Variants in WWOX observed in about 807,000 individuals in gnomAD.
The protein encoded by WWOX is WW domain containing oxidoreductase, also known as WW domain-containing oxidoreductase.
In WWOX, 69 loss-of-function variants were observed where a neutral mutation model predicts 46.2. That is an observed-to-expected ratio of 1.49 (90% CI 1.23 to 1.82). WWOX has a LOEUF of 1.82. WWOX is among the 40% of genes most tolerant of loss of function. The probability of loss-of-function intolerance (pLI) is 0.00; values close to 1 mark genes in which losing one functional copy is unlikely to be tolerated. For synonymous variants in WWOX, 359 were observed against 202.6 expected (o/e 1.77, Z -6.56); for missense variants, 919 against 542.6 (o/e 1.69, Z -6.89).
chr16:78,672,588 G>A (rs1421730935), intron 8 of WWOX, among the ~76,000 whole-genome samples: 2 of 152,190 alleles, frequency 1.3e-5, no homozygotes, highest in East Asian at 3.9e-4. Context: ...TGCCTAAATT[G>A]CCTGTAATGG....
In WWOX at chr16:78,961,545, T is replaced by C. The variant is rs1215112407; in HGVS notation, c.1057-250063T>C. Among the ~76,000 whole-genome samples, 3 of 151,672 alleles carry C rather than the reference T, an allele frequency of 2.0e-5. No individual in the cohort carries two copies. The East Asian group carries it at 5.8e-4, about 29-fold the overall frequency. On this transcript the variant is annotated intron_variant, in intron 8 of 8. Coordinates refer to ENST00000566780, the MANE Select transcript of WWOX (RefSeq NM_016373.4). ...GGTGGTAGGTGGGTACATAGATGGATGTATGGATGGGTGGGTTGGTGGGTG... is the reference window on the plus strand; with the variant it reads ...GGTGGTAGGTGGGTACATAGATGGACGTATGGATGGGTGGGTTGGTGGGTG...
In WWOX at chr16:78,865,153, A is replaced by G. The variant is rs16944138; in HGVS notation, c.1057-346455A>G. 8.5e-3 allele frequency among the ~76,000 whole-genome samples: 1,291 copies of G among 152,252 alleles called. 21 individuals carry two copies. The highest frequency in any genetic ancestry group is 0.03 in the African/African-American group (1,227 of 41,544). ...TGTTAATATGTAAAATAAATTCCGT[A>G]CATTTTAAAGTGCTAAAGGTTGTAT... On this transcript the variant is annotated intron_variant, in intron 8 of 8. Transcript: ENST00000566780.
intron 8 of WWOX, among the ~76,000 whole-genome samples, chr16:78,700,828 A>G (rs1597462581): frequency 6.6e-6 from 1 of 152,284 alleles, no homozygotes; most frequent in South Asian, 2.1e-4. Context: ...ATTTCCAACT[A>G]ATGGAAGAAA....
chr16:78,511,719 TG>T (rs923593426), intron 8 of WWOX, among the ~76,000 whole-genome samples: 2 of 152,170 alleles, frequency 1.3e-5, no homozygotes, highest in African/African-American at 4.8e-5. Context: ...ACAGATAGTC[TG>T]GGAGAGGCAT....
chr16:78,926,777 A>T (rs1173553350), intron 8 of WWOX, among the ~76,000 whole-genome samples: 1 of 152,042 alleles, frequency 6.6e-6, no homozygotes, highest in East Asian at 1.9e-4. Flanking sequence ...TTGAGAGCTG[A>T]GTGCCAGTTT....
At chr16:78,569,041 G>T (rs916797297) in intron 8 of WWOX, among the ~76,000 whole-genome samples, 4 of 152,080 alleles carry the variant, frequency 2.6e-5, no homozygotes, top group African/African-American at 9.7e-5. Flanking sequence ...GAGGCACCTG[G>T]GTGTCAGCCT....
At chr16:79,028,818 T>A (rs781465296) in intron 8 of WWOX, among the ~76,000 whole-genome samples, 18 of 151,776 alleles carry the variant, frequency 1.2e-4, no homozygotes, top group Admixed American at 3.9e-4. Context: ...CGAATGGTTT[T>A]CCAATCTTCA....
At chr16:78,800,764 G>A (rs1368151128) in intron 8 of WWOX, among the ~76,000 whole-genome samples, 1 of 152,148 alleles carries the variant, frequency 6.6e-6, no homozygotes, top group Non-Finnish European at 1.5e-5. Flanking sequence ...TAAGGTCAGT[G>A]TGTCTGGGTC....
At chr16:78,281,637 G>A (rs1258897423) in intron 5 of WWOX, among the ~76,000 whole-genome samples, 1 of 152,178 alleles carries the variant, frequency 6.6e-6, no homozygotes, top group African/African-American at 2.4e-5. Context: ...ATGTAAAGGA[G>A]CAGGCATGGC....
chr16:78,498,880 A>G (rs1483496924), intron 8 of WWOX, among the ~76,000 whole-genome samples: 2 of 152,138 alleles, frequency 1.3e-5, no homozygotes, highest in Non-Finnish European at 2.9e-5. Flanking sequence ...TTTTTTCCTT[A>G]AATACATAGG....
intron 5 of WWOX, among the ~76,000 whole-genome samples, chr16:78,225,397 C>G (rs1003110304): frequency 1.3e-5 from 2 of 152,080 alleles, no homozygotes; most frequent in Non-Finnish European, 2.9e-5. Context: ...ATGACCTCTG[C>G]TTTTTTTGTC....
At chr16:78,460,920 C>G (rs1197380943) in intron 8 of WWOX, among the ~76,000 whole-genome samples, 1 of 152,122 alleles carries the variant, frequency 6.6e-6, no homozygotes, top group African/African-American at 2.4e-5. Context: ...AAGAAATAGG[C>G]CCTCCAGATA....
At chr16:78,119,301 T>C (rs1254683113) in intron 4 of WWOX, among the ~76,000 whole-genome samples, 1 of 152,222 alleles carries the variant, frequency 6.6e-6, no homozygotes, top group Non-Finnish European at 1.5e-5. Flanking sequence ...AGGGAATTTT[T>C]TTAGGCGAGG....
At chr16:78,280,621 G>A (rs1397729031) in intron 5 of WWOX, among the ~76,000 whole-genome samples, 1 of 151,104 alleles carries the variant, frequency 6.6e-6, no homozygotes. Flanking sequence ...AGAGAGAGCA[G>A]CAGGTGACAT....
chr16:78,498,016 C>G (rs891193243), intron 8 of WWOX, among the ~76,000 whole-genome samples: 1 of 151,888 alleles, frequency 6.6e-6, no homozygotes, highest in African/African-American at 2.4e-5. Flanking sequence ...TCCTGGCTAA[C>G]ATGGTGAAAT....
At chr16:79,033,658 A>G (rs1175337864) in intron 8 of WWOX, among the ~76,000 whole-genome samples, 2 of 152,136 alleles carry the variant, frequency 1.3e-5, no homozygotes, top group African/African-American at 2.4e-5. Context: ...ATCCATCTCC[A>G]GAATGATTTT....
intron 8 of WWOX, among the ~76,000 whole-genome samples, chr16:79,200,462 C>G (rs904418588): frequency 6.6e-6 from 1 of 152,164 alleles, no homozygotes; most frequent in Non-Finnish European, 1.5e-5. Flanking sequence ...AGTTCCAGCA[C>G]TGCCCCGTTG....
At chr16:79,088,936 ATT>A (rs1014438403) in intron 8 of WWOX, among the ~76,000 whole-genome samples, 1 of 151,690 alleles carries the variant, frequency 6.6e-6, no homozygotes, top group African/African-American at 2.4e-5. Flanking sequence ...TTTAAAATCT[ATT>A]TTTTTTGTCT....
At chr16:79,127,695 C>T (rs975734883) in intron 8 of WWOX, among the ~76,000 whole-genome samples, 3 of 152,132 alleles carry the variant, frequency 2.0e-5, no homozygotes, top group Non-Finnish European at 4.4e-5. Flanking sequence ...CCAAATTGCC[C>T]TCTACGGAGG....
Sources: allele counts gnomAD v4.1 joint callset (sites outside exome capture counted in the v4.1 genomes callset), GRCh38; gene constraint gnomAD v4.1.1; transcripts MANE v1.5; gene names NCBI Gene and HGNC (gene_info 2026-07-23, HGNC 2026-07-21).